Variants in CD96 observed in about 807,000 individuals in gnomAD.
CD96 encodes the protein T-cell surface protein tactile.
A neutral mutation model predicts 71.3 loss-of-function variants in CD96; 70 were observed. The ratio of observed to expected loss-of-function variants is 0.98; its 90% CI spans 0.81 to 1.20. The LOEUF is 1.20. Ranked by LOEUF, CD96 falls within the 50% of genes most tolerant of loss-of-function variation. The pLI is 0.00. For missense variants in CD96, 742 were observed against 677.5 expected (o/e 1.10, Z -1.06); for synonymous variants, 248 against 233.0 (o/e 1.06, Z -0.59).
chr3:111,638,862 T>C (rs79586981), intron 12 of CD96, among the ~76,000 whole-genome samples: 1,595 of 152,258 alleles, frequency 0.01, 35 homozygotes, highest in African/African-American at 0.036. Context: ...GATTTTAATA[T>C]ATTGGTGCCT....
intron 5 of CD96, among the ~76,000 whole-genome samples, chr3:111,592,666 T>G (rs547577456): frequency 6.6e-6 from 1 of 152,344 alleles, no homozygotes; most frequent in African/African-American, 2.4e-5. Flanking sequence ...CCTTTATATC[T>G]CTGCCTTCTT....
chr3:111,639,988 A>G (rs1194386873), intron 12 of CD96, among the ~76,000 whole-genome samples: 1 of 152,210 alleles, frequency 6.6e-6, no homozygotes, highest in Non-Finnish European at 1.5e-5. Flanking sequence ...AACAGCCTTC[A>G]GCCCTAGACC....
intron 10 of CD96, among the ~76,000 whole-genome samples, chr3:111,625,466 T>G (rs1047752592): frequency 6.6e-6 from 1 of 151,892 alleles, no homozygotes; most frequent in African/African-American, 2.4e-5. Context: ...TAGAAAGAAA[T>G]CTAAAAATAA....
At chr3:111,573,913 G>T (rs995346686) in intron 3 of CD96, among the ~76,000 whole-genome samples, 23 of 152,160 alleles carry the variant, frequency 1.5e-4, no homozygotes, top group African/African-American at 5.6e-4. Flanking sequence ...AAAATGAAGT[G>T]CCAACCAAAC....
intron 11 of CD96, among the ~76,000 whole-genome samples, chr3:111,637,475 CA>C (rs879827520): frequency 3.9e-5 from 6 of 151,966 alleles, no homozygotes; most frequent in African/African-American, 1.4e-4. Flanking sequence ...ATTTTATTTC[CA>C]AAAAAATCTA....
chr3:111,597,587 A>G (rs1937316933), intron 5 of CD96, among the ~76,000 whole-genome samples: 1 of 152,248 alleles, frequency 6.6e-6, no homozygotes. Context: ...GATTAAGCCA[A>G]TGAATTGTTT....
chr3:111,621,857 A>G (rs758478516), intron 8 of CD96, among the ~76,000 whole-genome samples: 29 of 152,242 alleles, frequency 1.9e-4, no homozygotes, highest in Non-Finnish European at 3.5e-4. Flanking sequence ...GCAATTCCAC[A>G]GTGACTAGGA....
chr3:111,560,361 C>A (rs947700019), intron 2 of CD96, among the ~76,000 whole-genome samples: 2 of 151,718 alleles, frequency 1.3e-5, no homozygotes, highest in African/African-American at 4.8e-5. Context: ...TGTTCCTTTC[C>A]ATGTTTAGCG....
At chr3:111,574,234 A>G (rs1002715897) in intron 3 of CD96, among the ~76,000 whole-genome samples, 33 of 152,212 alleles carry the variant, frequency 2.2e-4, no homozygotes, top group African/African-American at 7.2e-4. Flanking sequence ...TCATCACTAA[A>G]TCAAGGAGGT....
At chr3:111,570,706 G>C in intron 3 of CD96, 1 of 1,612,240 alleles carries the variant, frequency 6.2e-7, no homozygotes, top group East Asian at 2.2e-5. Flanking sequence ...CTGTAGGACA[G>C]AGCATCATAG....
chr3:111,544,098 G>T (rs1934255208), intron 1 of CD96, among the ~76,000 whole-genome samples: 1 of 152,052 alleles, frequency 6.6e-6, no homozygotes, highest in African/African-American at 2.4e-5. Flanking sequence ...CAGACTCTGG[G>T]CAACTGAATT....
At chr3:111,612,875 T>C (rs1487696572) in intron 8 of CD96, 1 of 954,002 alleles carries the variant, frequency 1.0e-6, no homozygotes, top group African/African-American at 1.8e-5. Flanking sequence ...TAACATTTCC[T>C]CAGTTGGAAA....
chr3:111,561,727 T>G (rs1299789812), intron 2 of CD96, among the ~76,000 whole-genome samples: 13 of 139,276 alleles, frequency 9.3e-5, no homozygotes, highest in African/African-American at 3.1e-4. Context: ...TGAGCTGTGG[T>G]GGGCTCCACC....
At chr3:111,623,448 T>C (rs1383741565) in intron 8 of CD96, among the ~76,000 whole-genome samples, 2 of 152,332 alleles carry the variant, frequency 1.3e-5, no homozygotes, top group Non-Finnish European at 1.5e-5. Flanking sequence ...TGTTTATTAC[T>C]ATATCCCCAG....
At position 111,598,143 on chromosome 3, in the gene CD96, G is replaced by A. The variant is rs778397683; in HGVS notation, c.831G>A (p.Lys277=). ...AGAGAAGATTTACCTGCTTACTAAA[G>A]AATGTATTTCCCAAAGCAAATATCA... ...LVERRFTCLL[K]NVFPKANITW... The change falls in exon 6 of 14, where the codon AAG becomes AAA. Residue 277 remains lysine, a synonymous_variant. Coordinates refer to ENST00000352690, the MANE Select transcript of CD96 (RefSeq NM_005816.5). 16 of 1,477,496 alleles carry A rather than the reference G, an allele frequency of 1.1e-5. No individual in the cohort carries two copies. The South Asian group carries it at 1.8e-4, about 17-fold the overall frequency. 91.5% of individuals were successfully genotyped at this position (1,477,496 alleles called of 1,614,324 possible).
intron 10 of CD96, among the ~76,000 whole-genome samples, chr3:111,624,813 G>A (rs984308511): frequency 1.3e-5 from 2 of 152,202 alleles, no homozygotes; most frequent in African/African-American, 2.4e-5. Context: ...TAGAAAATGC[G>A]TATCAGTAAT....
chr3:111,589,469 G>T (rs1936873051), intron 5 of CD96, among the ~76,000 whole-genome samples: 1 of 152,180 alleles, frequency 6.6e-6, no homozygotes. Flanking sequence ...TAGAGAATTA[G>T]TGAGTAATCT....
chr3:111,590,234 G>A (rs1936913936), intron 5 of CD96, among the ~76,000 whole-genome samples: 1 of 152,188 alleles, frequency 6.6e-6, no homozygotes, highest in Admixed American at 6.5e-5. Context: ...AAGTAAATGA[G>A]GGCAATGGCT....
intron 1 of CD96, 148 bp from the exon 2 acceptor site, chr3:111,544,898 G>A: frequency 1.4e-6 from 1 of 726,478 alleles, no homozygotes; most frequent in Non-Finnish European, 2.5e-6. Context: ...CTATCTGAGT[G>A]AGACACAAGC....
Sources: allele counts gnomAD v4.1 joint callset (sites outside exome capture counted in the v4.1 genomes callset), GRCh38; gene constraint gnomAD v4.1.1; transcripts MANE v1.5; gene names NCBI Gene and HGNC (gene_info 2026-07-23, HGNC 2026-07-21).